Variants in ALDOC observed in about 807,000 individuals in gnomAD.
ALDOC encodes the protein fructose-bisphosphate aldolase C.
ALDOC carries 23 observed loss-of-function variants against 39.5 expected under a neutral mutation model. The observed-to-expected ratio is 0.58, with a 90% CI of 0.42 to 0.82. The LOEUF is 0.82. Among genes scored for constraint, ALDOC ranks in the 40% least tolerant of loss-of-function variants. The probability of loss-of-function intolerance (pLI) is 0.00; values close to 1 mark genes in which losing one functional copy is unlikely to be tolerated. For synonymous variants in ALDOC, 160 were observed against 182.6 expected (o/e 0.88, Z 1.00); for missense variants, 356 against 479.1 (o/e 0.74, Z 2.40).
At position 28,573,944 on chromosome 17, in the gene ALDOC, A is replaced by T. The variant is rs1474864960; in HGVS notation, c.800-10T>A. On this transcript the variant is annotated splice_polypyrimidine_tract_variant and intron_variant, in intron 7 of 8. Coordinates refer to ENST00000226253, the MANE Select transcript of ALDOC (RefSeq NM_005165.3). This position sits in a 1 kb window ranked among gnomAD's most constrained non-coding sequence, Gnocchi z 4.3. The stretch of plus-strand genomic sequence containing the variant: ...GACAGGAAGGTCACTCCTAGTGTGG[A>T]GGAGAGAAGACAAACTGACTGGTCA... 3.7e-6 allele frequency: 6 copies of T among 1,613,918 alleles called. No individual in the cohort carries two copies. The African/African-American group carries it at 6.7e-5, about 18-fold the overall frequency.
chr17:28,574,640 T>C, intron 5 of ALDOC, 56 bp downstream of exon 5: 1 of 1,613,338 alleles, frequency 6.2e-7, no homozygotes, highest in South Asian at 1.1e-5. Flanking sequence ...GCCTTGTGAC[T>C]CTCTCCCCAC....
At chr17:28,574,900 C>T (rs749118097) in intron 4 of ALDOC, 44 bp from the exon 5 acceptor site, 156 of 1,614,056 alleles carry the variant, frequency 9.7e-5, no homozygotes, top group Non-Finnish European at 1.2e-4. Context: ...CCTCTTTTAC[C>T]AGCATCAACT....
In ALDOC at chr17:28,573,958, AC is replaced by A. The variant is rs1384542574; in HGVS notation, c.800-25del. The stretch of plus-strand genomic sequence containing the variant: ...TCCTAGTGTGGAGGAGAGAAGACAA[AC>A]TGACTGGTCACTCCCAATTTTTCCA... On this transcript the variant is annotated intron_variant, in intron 7 of 8. Coordinates refer to ENST00000226253, the MANE Select transcript of ALDOC (RefSeq NM_005165.3). This position sits in a 1 kb window ranked among gnomAD's most constrained non-coding sequence, Gnocchi z 4.3. The A allele has an allele frequency of 1.2e-6, 2 of 1,613,568 alleles. No homozygotes were observed. The highest frequency in any genetic ancestry group is 2.7e-5 in the African/African-American group (2 of 74,894).
intron 6 of ALDOC, 31 bp from the exon 7 acceptor site, chr17:28,574,272 G>T (rs376602783): frequency 1.3e-4 from 209 of 1,566,114 alleles, no homozygotes; most frequent in Non-Finnish European, 1.7e-4. Flanking sequence ...GTTTACTAAG[G>T]GTCTGGGCCC....
chr17:28,576,663 G>A (rs1446836186), intron 1 of ALDOC, 138 bp downstream of exon 1: 2 of 391,076 alleles, frequency 5.1e-6, no homozygotes, highest in East Asian at 1.6e-4. Context: ...TTTCAAGTAC[G>A]CGGAAAGGAG....
Position 28,574,159 on chromosome 17 carries a change from G to A in ALDOC, c.707C>T (p.Pro236Leu), listed in dbSNP as rs138221835. Residue 236 changes from proline to leucine, a missense_variant, in exon 7 of 9, where the codon CCG becomes CTG. Physicochemically the swap from Pro to Leu is moderately conservative, Grantham distance 98. Coordinates refer to ENST00000226253, the MANE Select transcript of ALDOC (RefSeq NM_005165.3). ...ATACTTGATGGGACAGGCATGGCCC[G>A]GGGTCACCATGTTGGGCTTGAGCAG... ...GTLLKPNMVT[P>L]GHACPIKYTP... 1.3e-5 allele frequency: 21 copies of A among 1,612,074 alleles called. No homozygotes were observed. Among genetic ancestry groups the A allele is most frequent in the Admixed American group, 3.3e-5 (2 of 59,752 alleles).
chr17:28,573,890 A>G lies in ALDOC; in HGVS notation c.844T>C (p.Phe282Leu), dbSNP rs151291013. The G allele has an allele frequency of 4.9e-5, 79 of 1,614,216 alleles. No individual in the cohort carries two copies. The highest frequency in any genetic ancestry group is 5.8e-5 in the Non-Finnish European group (69 of 1,180,036). Residue 282 changes from phenylalanine (F) to leucine (L), a missense_variant, in exon 8 of 9, where the codon TTC (phenylalanine) becomes CTC (leucine). Transcript: ENST00000226253. This position sits in a 1 kb window ranked among gnomAD's most constrained non-coding sequence, Gnocchi z 4.3. ...CAGCGGTTGATGGCATTGAGGTTGAATGATGCCTCTTCTTCGCTCTGACCC... is the reference window on the plus strand; with the variant it reads ...CAGCGGTTGATGGCATTGAGGTTGAGTGATGCCTCTTCTTCGCTCTGACCC... ...SGGQSEEEAS[F>L]NLNAINRCPL...
At chr17:28,574,635 G>GTGACTCTC in intron 5 of ALDOC, 58 bp from the exon 6 acceptor site, 1 of 1,613,578 alleles carries the variant, frequency 6.2e-7, no homozygotes, top group South Asian at 1.1e-5. Flanking sequence ...AGAAAGCCTT[G>GTGACTCTC]TGACTCTCTC....
At position 28,574,740 on chromosome 17, in the gene ALDOC, C is replaced by T; in HGVS notation, c.496G>A (p.Glu166Lys). ...TAACGGGCCAGCACGTTGGCGTTCTCCAGAATGGCAAGTGCAGAGGGTGTA... is the reference window on the plus strand; with the variant it reads ...TAACGGGCCAGCACGTTGGCGTTCTTCAGAATGGCAAGTGCAGAGGGTGTA... Reference protein sequence around the residue: ...ERTPSALAILENANVLARYAS... With the variant: ...ERTPSALAILKNANVLARYAS... Residue 166 changes from glutamate to lysine, a missense_variant, in exon 5 of 9, where the codon GAG becomes AAG. Coordinates refer to ENST00000226253, the MANE Select transcript of ALDOC (RefSeq NM_005165.3). The T allele has an allele frequency of 6.2e-7, 1 of 1,614,222 alleles. No individual in the cohort carries two copies. Among genetic ancestry groups the T allele is most frequent in the Non-Finnish European group, 8.5e-7 (1 of 1,180,040 alleles).
At position 28,573,402 on chromosome 17, in the gene ALDOC, A is replaced by G; in HGVS notation, c.*124T>C. The G allele has an allele frequency of 1.2e-6, 1 of 846,298 alleles. No homozygotes were observed. The highest frequency in any genetic ancestry group is 1.4e-5 in the South Asian group (1 of 71,346). 52.4% of individuals were successfully genotyped at this position (846,298 alleles called of 1,614,324 possible). On this transcript the variant is annotated 3_prime_UTR_variant, in exon 9 of 9. Coordinates refer to ENST00000226253, the MANE Select transcript of ALDOC (RefSeq NM_005165.3). The surrounding 1 kb of genome is among the most constrained non-coding windows in gnomAD (Gnocchi z 4.3). The stretch of plus-strand genomic sequence containing the variant: ...TGAGAGAGGGGAAGGGAAGAGAGAA[A>G]GGAAGACAAGTTGGTGCCAGGTGAA...
chr17:28,574,372 C>T (rs905872703), intron 6 of ALDOC, 122 bp downstream of exon 6: 11 of 1,439,354 alleles, frequency 7.6e-6, no homozygotes, highest in East Asian at 6.8e-5. Context: ...AGGCCTGTGC[C>T]GGGATGAAGT....
Position 28,574,986 on chromosome 17 carries a change from A to G in ALDOC, c.345T>C (p.Pro115=). Residue 115 remains proline, a synonymous_variant, in exon 4 of 9, where the codon CCT becomes CCC. Coordinates refer to ENST00000226253, the MANE Select transcript of ALDOC (RefSeq NM_005165.3). The part of the protein sequence containing the change: ...VGIKVDKGVV[P]LAGTDGETTT... ...TGGTTTCTCCATCAGTCCCAGCTAG[A>G]GGCACCACACCCTTGTCAACCTGTA... The G allele has an allele frequency of 1.2e-6, 2 of 1,614,150 alleles. No homozygotes were observed. Among genetic ancestry groups the G allele is most frequent in the Non-Finnish European group, 1.7e-6 (2 of 1,180,034 alleles).
Position 28,574,075 on chromosome 17 carries a change from G to A in ALDOC, c.791C>T (p.Ala264Val). The change falls in exon 7 of 9, where the codon GCT becomes GTT. Residue 264 changes from alanine (A) to valine (V), a missense_variant. Physicochemically the swap from Ala to Val is moderately conservative, Grantham distance 64. Coordinates refer to ENST00000226253, the MANE Select transcript of ALDOC (RefSeq NM_005165.3). The part of the protein sequence containing the change: ...VTALRRTVPP[A>V]VPGVTFLSGG... ...AGGGAGCTGGGTAGTACCTGGGACA[G>A]CTGGGGGCACAGTGCGACGCAGGGC... 4 of 1,596,360 alleles carry A rather than the reference G, an allele frequency of 2.5e-6. No homozygotes were observed. Among genetic ancestry groups the A allele is most frequent in the East Asian group, 2.2e-5 (1 of 44,780 alleles).
At chr17:28,574,899 C>T (rs2070468640) in intron 4 of ALDOC, 43 bp from the exon 5 acceptor site, 1 of 1,614,186 alleles carries the variant, frequency 6.2e-7, no homozygotes, top group Non-Finnish European at 8.5e-7. Context: ...CCCTCTTTTA[C>T]CAGCATCAAC....
In ALDOC at chr17:28,575,910, T is replaced by C; in HGVS notation, c.-12-366A>G. ...GTTGAGGTAGGCAAAAGTCCTGGCC[T>C]TTCCAGCTTCCCTTTTCTCATCCTC... is the stretch of plus-strand genomic sequence containing the variant. On this transcript the variant is annotated intron_variant, in intron 1 of 8. Transcript: ENST00000226253. This position sits in a 1 kb window ranked among gnomAD's most constrained non-coding sequence, Gnocchi z 4.3. 1 of 1,004,894 alleles carries C rather than the reference T, an allele frequency of 1.0e-6. No individual in the cohort carries two copies. The highest frequency in any genetic ancestry group is 1.2e-6 in the Non-Finnish European group (1 of 823,732). The allele number at this position is 1,004,894 out of a possible 1,614,324, so 62.2% of individuals were successfully genotyped here. A position where few individuals can be genotyped will look rare whatever the true frequency, so the allele number is the denominator to read the frequency against.
intron 4 of ALDOC, 27 bp from the exon 5 acceptor site, chr17:28,574,883 C>T (rs1402859489): frequency 1.2e-6 from 2 of 1,614,094 alleles, no homozygotes; most frequent in Non-Finnish European, 8.5e-7. Context: ...AACCTCATTA[C>T]TCTGCCCCTC....
rs2070482041 is a variant in ALDOC, at chr17:28,575,802, G to A, written c.-12-258C>T. On this transcript the variant is annotated intron_variant, in intron 1 of 8. Transcript: ENST00000226253. This position sits in a 1 kb window ranked among gnomAD's most constrained non-coding sequence, Gnocchi z 4.3. ...ATGCAGGGTGGGGGTGGGGAGGTGA[G>A]CAGCCCTGAAGCCACAGCTCTTCTG... The A allele has an allele frequency of 1.7e-6, 1 of 591,338 alleles. No individual in the cohort carries two copies. The highest frequency in any genetic ancestry group is 2.7e-6 in the Non-Finnish European group (1 of 367,658). The allele number at this position is 591,338 out of a possible 1,614,324, so 36.6% of individuals were successfully genotyped here.
chr17:28,574,699 C>G lies in ALDOC; in HGVS notation c.537G>C (p.Gln179His). The part of the protein sequence containing the change: ...NVLARYASIC[Q>H]QNGIVPIVEP... Reference sequence around the variant, plus strand: ...ACCACCCTCCCAACACACACACCTGCTGGCAGATACTGGCATAACGGGCCA... The same window carrying G: ...ACCACCCTCCCAACACACACACCTGGTGGCAGATACTGGCATAACGGGCCA... The change falls in exon 5 of 9, where the codon CAG becomes CAC. Residue 179 changes from glutamine to histidine, a missense_variant. By Grantham distance (24) the Gln-to-His change is conservative. Transcript: ENST00000226253. 6.2e-7 allele frequency: 1 copy of G among 1,614,166 alleles called. No homozygotes were observed. Among genetic ancestry groups the G allele is most frequent in the South Asian group, 1.1e-5 (1 of 91,088 alleles).
rs1294456315 is a variant in ALDOC at position 28,574,584 on chromosome 17, G to C, written c.541-7C>G. ...CAATAGGCACAATGCCATTCTGCAG[G>C]CAAGAGCAGAGATGCTTGGGAGGGG... On this transcript the variant is annotated splice_region_variant and splice_polypyrimidine_tract_variant and intron_variant, in intron 5 of 8. Coordinates refer to ENST00000226253, the MANE Select transcript of ALDOC (RefSeq NM_005165.3). 5 of 1,614,060 alleles carry C rather than the reference G, an allele frequency of 3.1e-6. No individual in the cohort carries two copies. Among genetic ancestry groups the C allele is most frequent in the Non-Finnish European group, 4.2e-6 (5 of 1,179,984 alleles).
Sources: gnomAD v4.1 joint callset for allele counts on GRCh38, gnomAD v4.1.1 for gene constraint, Gnocchi (gnomAD v3.1) non-coding constraint, MANE v1.5 for transcripts, NCBI Gene and HGNC (gene_info 2026-07-23, HGNC 2026-07-21) for gene names.